Variants in ATP11B observed in about 807,000 individuals in gnomAD.
ATP11B encodes phospholipid-transporting ATPase IF.
ATP11B carries 81 observed loss-of-function variants against 157.8 expected under a neutral mutation model. That is an observed-to-expected ratio of 0.51 (90% CI 0.43 to 0.62). ATP11B has a LOEUF of 0.62. ATP11B is among the 20% of genes least tolerant of loss of function. The pLI, the probability that ATP11B is intolerant of heterozygous loss-of-function variation, is 0.00. For missense variants in ATP11B, 1,165 were observed against 1,402.2 expected, an observed-to-expected ratio of 0.83 and a Z score of 2.70; for synonymous variants, 451 against 469.4, an observed-to-expected ratio of 0.96 and a Z score of 0.51.
rs558203755 is a variant in ATP11B, at chr3:182,818,395, A to G, written c.28-1865A>G. Among the ~76,000 whole-genome samples the G allele has an allele frequency of 9.8e-5, 15 of 152,348 alleles. No individual in the cohort carries two copies. The East Asian group carries it at 1.2e-3, about 12-fold the overall frequency. ...GAGGAAAATAAATATTTATGCCACC[A>G]TATTTTTTCCTTAAAGAGACTGATT... On this transcript the variant is annotated intron_variant, in intron 1 of 29. Coordinates refer to ENST00000323116, the MANE Select transcript of ATP11B (RefSeq NM_014616.3).
At chr3:182,858,101 T>TC in intron 11 of ATP11B, 73 bp downstream of exon 11, 1 of 1,362,018 alleles carries the variant, frequency 7.3e-7, no homozygotes, top group Admixed American at 1.9e-5. Context: ...TGGTAGTGAC[T>TC]TCTGATTGGA....
At chr3:182,872,328 G>A in intron 17 of ATP11B, 28 bp from the exon 18 acceptor site, 1 of 1,455,010 alleles carries the variant, frequency 6.9e-7, no homozygotes, top group Non-Finnish European at 9.3e-7. Flanking sequence ...TTCAATTTTT[G>A]TCTTTAATTT....
chr3:182,810,650 C>A (rs1348640671), intron 1 of ATP11B, among the ~76,000 whole-genome samples: 1 of 152,064 alleles, frequency 6.6e-6, no homozygotes, highest in Non-Finnish European at 1.5e-5. Flanking sequence ...GACCTCAGTG[C>A]GTTTTTTGTG....
At chr3:182,848,642 A>ATTT in intron 10 of ATP11B, 85 bp downstream of exon 10, 2 of 540,304 alleles carry the variant, frequency 3.7e-6, no homozygotes, top group Non-Finnish European at 5.3e-6. Context: ...TATATATAAT[A>ATTT]TATATTAAGT....
intron 10 of ATP11B, among the ~76,000 whole-genome samples, chr3:182,850,162 A>G (rs889768536): frequency 3.9e-5 from 6 of 152,296 alleles, no homozygotes; most frequent in East Asian, 3.9e-4. Flanking sequence ...CTGGATCCCT[A>G]TCTTTCACCA....
chr3:182,883,845 CTTGGGAGGCTG>C (rs1722607483), intron 21 of ATP11B, among the ~76,000 whole-genome samples: 1 of 147,648 alleles, frequency 6.8e-6, no homozygotes, highest in African/African-American at 2.5e-5. Flanking sequence ...GTCCCAGCTA[CTTGGGAGGCTG>C]AGGCAGGAGA....
chr3:182,862,678 G>A lies in ATP11B; in HGVS notation c.1201-2778G>A, dbSNP rs889478635. Among the ~76,000 whole-genome samples, 3 of 151,956 alleles carry A rather than the reference G, an allele frequency of 2.0e-5. No homozygotes were observed. In the East Asian group the frequency reaches 5.8e-4, roughly 29 times the overall value. On this transcript the variant is annotated intron_variant, in intron 12 of 29. Transcript: ENST00000323116. ...TACTTCCTGAGCGTTTCTGAGAATG[G>A]GTTTTCTCATCACTTGGGTTTCAGA...
chr3:182,904,215 C>T (rs1343256588), intron 28 of ATP11B, among the ~76,000 whole-genome samples: 1 of 152,174 alleles, frequency 6.6e-6, no homozygotes, highest in Non-Finnish European at 1.5e-5. Context: ...CTCTGGGCCT[C>T]CAGGTTCTTC....
At chr3:182,883,477 C>T (rs371521060) in intron 21 of ATP11B, among the ~76,000 whole-genome samples, 2 of 151,528 alleles carry the variant, frequency 1.3e-5, no homozygotes, top group African/African-American at 4.8e-5. Context: ...AGGCTTGTCT[C>T]GAACTCCTGA....
At chr3:182,875,671 C>T (rs916912829) in intron 19 of ATP11B, among the ~76,000 whole-genome samples, 2 of 152,180 alleles carry the variant, frequency 1.3e-5, no homozygotes, top group Admixed American at 1.3e-4. Flanking sequence ...GAACACCTGA[C>T]CTCAGGTGAT....
Position 182,866,438 on chromosome 3 carries a change from T to C in ATP11B, c.1614T>C (p.Ala538=), listed in dbSNP as rs1416891915. Residue 538 remains alanine (A), a synonymous_variant, in exon 14 of 30, where the codon GCT becomes GCC. Transcript: ENST00000323116. Reference sequence around the variant, plus strand: ...ATGAAAAGGCTCTAGTAGAAGCTGCTGCAAGGTAATTTAGTCTGATTTCCA... The same window carrying C: ...ATGAAAAGGCTCTAGTAGAAGCTGCCGCAAGGTAATTTAGTCTGATTTCCA... ...SPDEKALVEA[A]ARIGIVFIGN... is the part of the protein sequence containing the mutation. The C allele has an allele frequency of 2.5e-6, 4 of 1,600,492 alleles. No homozygotes were observed. Among genetic ancestry groups the C allele is most frequent in the Non-Finnish European group, 3.4e-6 (4 of 1,171,778 alleles).
At chr3:182,800,406 T>TG (rs1168725791) in intron 1 of ATP11B, among the ~76,000 whole-genome samples, 1 of 148,884 alleles carries the variant, frequency 6.7e-6, no homozygotes, top group African/African-American at 2.5e-5. Flanking sequence ...AAAAAAAAAA[T>TG]TGTAGAGGTG....
Position 182,885,972 on chromosome 3 carries a change from C to G in ATP11B, c.2677C>G (p.Gln893Glu). The change falls in exon 23 of 30, where the codon CAG becomes GAG. Residue 893 changes from glutamine (Q) to glutamate (E), a missense_variant. Transcript: ENST00000323116. ...TCAGAATGTGTGCTTTATCACACCCCAGTTTTTATATCAGTTCTACTGTTT... is the reference window on the plus strand; with the variant it reads ...TCAGAATGTGTGCTTTATCACACCCGAGTTTTTATATCAGTTCTACTGTTT... The part of the protein sequence containing the change: ...FYKNVCFITP[Q>E]FLYQFYCLFS... 3 of 1,500,158 alleles carry G rather than the reference C, an allele frequency of 2.0e-6. No homozygotes were observed. The highest frequency in any genetic ancestry group is 2.6e-6 in the Non-Finnish European group (3 of 1,134,678). The allele number at this position is 1,500,158 out of a possible 1,614,324, so 92.9% of individuals were successfully genotyped here.
intron 28 of ATP11B, chr3:182,902,355 C>T (rs982594633): frequency 6.9e-5 from 23 of 333,680 alleles, no homozygotes; most frequent in South Asian, 4.8e-4. Context: ...ATGTGTATCA[C>T]GTATGATATT....
chr3:182,857,512 C>A (rs946273957), intron 10 of ATP11B, among the ~76,000 whole-genome samples: 1 of 151,352 alleles, frequency 6.6e-6, no homozygotes, highest in African/African-American at 2.4e-5. Context: ...AATTTTAATG[C>A]TATACAAATG....
At chr3:182,916,236 C>T (rs1431847826) in intron 29 of ATP11B, 1 of 985,224 alleles carries the variant, frequency 1.0e-6, no homozygotes, top group Non-Finnish European at 1.2e-6. Context: ...AGAGTAGCAT[C>T]TATTCTATGT....
intron 7 of ATP11B, 90 bp from the exon 8 acceptor site, chr3:182,841,977 CAAAAAAAA>C (rs11401208): frequency 5.5e-6 from 2 of 362,636 alleles, no homozygotes; most frequent in African/African-American, 4.0e-5. Context: ...AGACTCGTCT[CAAAAAAAA>C]AAAAAAAAAA....
chr3:182,896,837 C>A, intron 26 of ATP11B, 72 bp downstream of exon 26: 2 of 1,115,024 alleles, frequency 1.8e-6, no homozygotes, highest in Non-Finnish European at 2.7e-6. Context: ...TTCTTCATTT[C>A]TTTAGCCATA....
At chr3:182,878,408 A>T (rs1577065597) in intron 19 of ATP11B, among the ~76,000 whole-genome samples, 1 of 152,248 alleles carries the variant, frequency 6.6e-6, no homozygotes, top group African/African-American at 2.4e-5. Context: ...GCACAGTGCT[A>T]CACTGAGTAC....
Sources: allele counts gnomAD v4.1 joint callset (sites outside exome capture counted in the v4.1 genomes callset), GRCh38; gene constraint gnomAD v4.1.1; transcripts MANE v1.5; gene names NCBI Gene and HGNC (gene_info 2026-07-23, HGNC 2026-07-21).